Variants in ARHGAP45 observed in about 807,000 individuals in gnomAD.
ARHGAP45 encodes the protein Rho GTPase activating protein 45.
ARHGAP45 carries 56 observed loss-of-function variants against 116.1 expected under a neutral mutation model. That is an observed-to-expected ratio of 0.48 (90% CI 0.39 to 0.60). The LOEUF is 0.60. Ranked by LOEUF, ARHGAP45 falls within the 20% of genes least tolerant of loss-of-function variation. The pLI is 0.00. For synonymous variants in ARHGAP45, 866 were observed against 701.7 expected, an observed-to-expected ratio of 1.23 and a Z score of -3.70; for missense variants, 1,622 against 1,601.0, an observed-to-expected ratio of 1.01 and a Z score of -0.22.
At position 1,067,293 on chromosome 19, in the gene ARHGAP45, A is replaced by G. The variant is rs2043053951; in HGVS notation, c.-113A>G. On this transcript the variant is annotated 5_prime_UTR_variant, in exon 1 of 23. Coordinates refer to ENST00000313093, the MANE Select transcript of ARHGAP45 (RefSeq NM_012292.5). Reference sequence around the variant, plus strand: ...CGGCCGGGCCTGTCACGTGGGCCTGACAGCTGGGGAGGGGGTGGCCGGCGA... The same window carrying G: ...CGGCCGGGCCTGTCACGTGGGCCTGGCAGCTGGGGAGGGGGTGGCCGGCGA... 7.1e-7 allele frequency: 1 copy of G among 1,417,652 alleles called. No homozygotes were observed. The highest frequency in any genetic ancestry group is 1.5e-5 in the African/African-American group (1 of 65,894). 87.8% of individuals were successfully genotyped at this position (1,417,652 alleles called of 1,614,324 possible). A position where few individuals can be genotyped will look rare whatever the true frequency, so the allele number is the denominator to read the frequency against.
Position 1,071,564 on chromosome 19 carries a change from C to T in ARHGAP45, c.422-1585C>T. The T allele has an allele frequency of 9.4e-6, 2 of 211,770 alleles. No homozygotes were observed. Among genetic ancestry groups the T allele is most frequent in the Non-Finnish European group, 1.6e-5 (2 of 121,750 alleles). The allele number at this position is 211,770 out of a possible 1,614,324, so 13.1% of individuals were successfully genotyped here. On this transcript the variant is annotated intron_variant, in intron 2 of 22. Coordinates refer to ENST00000313093, the MANE Select transcript of ARHGAP45 (RefSeq NM_012292.5). The surrounding 1 kb of genome is among the most constrained non-coding windows in gnomAD (Gnocchi z 4.6). Reference sequence around the variant, plus strand: ...GTGCGGGGACAGCCGGGGGTCCGTGCGCCGGCCGCGCGCGGAGTGCCGGGT... The same window carrying T: ...GTGCGGGGACAGCCGGGGGTCCGTGTGCCGGCCGCGCGCGGAGTGCCGGGT...
Position 1,073,144 on chromosome 19 carries a change from A to G in ARHGAP45, c.422-5A>G. On this transcript the variant is annotated splice_region_variant and splice_polypyrimidine_tract_variant and intron_variant, in intron 2 of 22. Coordinates refer to ENST00000313093, the MANE Select transcript of ARHGAP45 (RefSeq NM_012292.5). Reference sequence around the variant, plus strand: ...CCCACTGCTCACTCCGACTCTCCCCAGCAGACCTCCTTGAGGCCCGCCGCC... The same window carrying G: ...CCCACTGCTCACTCCGACTCTCCCCGGCAGACCTCCTTGAGGCCCGCCGCC... The G allele has an allele frequency of 2.5e-6, 4 of 1,603,714 alleles. No homozygotes were observed. In the East Asian group the frequency reaches 6.7e-5, roughly 27 times the overall value.
rs1212810341 is a variant in ARHGAP45, at chr19:1,079,821, G to A, written c.1493G>A (p.Ser498Asn). Residue 498 changes from serine (S) to asparagine (N), a missense_variant, in exon 12 of 23, where the codon AGC becomes AAC. Ser to Asn is a conservative substitution (Grantham distance 46, BLOSUM62 1). Transcript: ENST00000313093. The part of the protein sequence containing the change: ...LRQIQEVIRQ[S>N]DQTIKSATIS... ...CAGATCCAGGAGGTCATCCGGCAGA[G>A]CGACCAAACCATCAAGTCGGTGCGT... 3 of 1,607,806 alleles carry A rather than the reference G, an allele frequency of 1.9e-6. No homozygotes were observed. The highest frequency in any genetic ancestry group is 2.2e-5 in the East Asian group (1 of 44,762).
At position 1,068,696 on chromosome 19, in the gene ARHGAP45, C is replaced by A. The variant is rs1374432885; in HGVS notation, c.373C>A (p.Arg125Ser). The A allele has an allele frequency of 6.2e-7, 1 of 1,612,644 alleles. No individual in the cohort carries two copies. The highest frequency in any genetic ancestry group is 1.7e-5 in the Admixed American group (1 of 60,024). Residue 125 changes from arginine (R) to serine (S), a missense_variant, in exon 2 of 23, where the codon CGC becomes AGC. Transcript: ENST00000313093. This position sits in a 1 kb window ranked among gnomAD's most constrained non-coding sequence, Gnocchi z 7.5. ...CTCCCATCTGCTGGCGGACGTGGCC[C>A]GCTTCGCTGAGGGCCTTGAGAAACT... ...DISHLLADVA[R>S]FAEGLEKLKE...
chr19:1,074,406 A>T lies in ARHGAP45; in HGVS notation c.992A>T (p.Glu331Val). The T allele has an allele frequency of 6.4e-7, 1 of 1,555,540 alleles. No homozygotes were observed. The change falls in exon 8 of 23, where the codon GAG becomes GTG. Residue 331 changes from glutamate (E) to valine (V), a missense_variant and splice_region_variant. This residue lies in a region of ARHGAP45 where 1,334 missense variants were observed against 1,263.8 expected (regional missense o/e 1.06). Coordinates refer to ENST00000313093, the MANE Select transcript of ARHGAP45 (RefSeq NM_012292.5). ...AHNCRQSVMQ[E>V]PHMPLLSIYS... is the part of the protein sequence containing the mutation. Reference sequence around the variant, plus strand: ...AACTGCAGACAGAGCGTCATGCAGGAGGTGGGGGCCCCGCGGGCACGGGGC... The same window carrying T: ...AACTGCAGACAGAGCGTCATGCAGGTGGTGGGGGCCCCGCGGGCACGGGGC...
chr19:1,079,533 C>A (rs2145061796), intron 11 of ARHGAP45, among the ~76,000 whole-genome samples, 170 bp from the exon 12 acceptor site: 1 of 149,612 alleles, frequency 6.7e-6, no homozygotes, highest in East Asian at 2.0e-4. Context: ...TGGGGAGGGT[C>A]TCACCATGTT....
chr19:1,075,674 C>T (rs1008049042), intron 10 of ARHGAP45, among the ~76,000 whole-genome samples: 15 of 152,118 alleles, frequency 9.9e-5, no homozygotes, highest in African/African-American at 1.9e-4. Context: ...ACTGCAGTGA[C>T]GCAATCATAC....
chr19:1,080,337 G>A lies in ARHGAP45; in HGVS notation c.1786G>A (p.Glu596Lys). The change falls in exon 14 of 23, where the codon GAA becomes AAA. Residue 596 changes from glutamate to lysine, a missense_variant. Coordinates refer to ENST00000313093, the MANE Select transcript of ARHGAP45 (RefSeq NM_012292.5). ...GGAGGCTGCCGGGAGCCCCCCAGAA[G>A]AAGGCGGGTGCACTGAGGGCACACC... ...RPEAAGSPPEEGGCTEGTPAK... is the reference protein window; with the variant it reads ...RPEAAGSPPEKGGCTEGTPAK... 1.2e-6 allele frequency: 2 copies of A among 1,609,492 alleles called. No individual in the cohort carries two copies. Among genetic ancestry groups the A allele is most frequent in the Non-Finnish European group, 1.7e-6 (2 of 1,179,256 alleles).
chr19:1,085,519 CCT>C (rs1491314714), intron 22 of ARHGAP45, 139 bp from the exon 23 acceptor site: 3 of 633,412 alleles, frequency 4.7e-6, no homozygotes, highest in Non-Finnish European at 5.4e-6. Context: ...CTCCATCTCT[CCT>C]GTCTCTCCCC....
At position 1,069,484 on chromosome 19, in the gene ARHGAP45, G is replaced by C. The variant is rs1381773497; in HGVS notation, c.421+740G>C. On this transcript the variant is annotated intron_variant, in intron 2 of 22. Transcript: ENST00000313093. The surrounding 1 kb of genome is among the most constrained non-coding windows in gnomAD (Gnocchi z 4.1). ...GCGCTCTGATCTGCTCCCAGCAGCCGCCCATTTTACAGATGACGAAACTAA... is the reference window on the plus strand; with the variant it reads ...GCGCTCTGATCTGCTCCCAGCAGCCCCCCATTTTACAGATGACGAAACTAA... Among the ~76,000 whole-genome samples, 1 of 152,222 alleles carries C rather than the reference G, an allele frequency of 6.6e-6. No individual in the cohort carries two copies. The highest frequency in any genetic ancestry group is 2.4e-5 in the African/African-American group (1 of 41,444).
At chr19:1,074,762 T>TCACC in intron 9 of ARHGAP45, 37 bp from the exon 10 acceptor site, 1 of 1,597,670 alleles carries the variant, frequency 6.3e-7, no homozygotes. Flanking sequence ...GGCGGGGGTG[T>TCACC]CACCGGGGTA....
chr19:1,083,052 G>A lies in ARHGAP45; in HGVS notation c.2730G>A (p.Leu910=), dbSNP rs1162202117. 6.5e-7 allele frequency: 1 copy of A among 1,548,092 alleles called. No individual in the cohort carries two copies. Among genetic ancestry groups the A allele is most frequent in the South Asian group, 1.2e-5 (1 of 85,272 alleles). Residue 910 remains leucine (L), a synonymous_variant, in exon 20 of 23, where the codon CTG becomes CTA. Coordinates refer to ENST00000313093, the MANE Select transcript of ARHGAP45 (RefSeq NM_012292.5). The part of the protein sequence containing the change: ...PENRASLQYL[L]RHLRRIVEVE... The stretch of plus-strand genomic sequence containing the variant: ...ACCGGGCCTCGCTGCAGTACCTGCT[G>A]CGTCACCTACGCAGGTGAGTCCCGG...
intron 2 of ARHGAP45, among the ~76,000 whole-genome samples, chr19:1,070,885 T>G (rs2043127269): frequency 6.6e-6 from 1 of 152,184 alleles, no homozygotes; most frequent in African/African-American, 2.4e-5. Context: ...GCTGAGACCC[T>G]GGCAAGCCCC....
At chr19:1,074,298 G>A in intron 7 of ARHGAP45, 45 bp from the exon 8 acceptor site, 4 of 1,612,056 alleles carry the variant, frequency 2.5e-6, no homozygotes, top group Non-Finnish European at 3.4e-6. Context: ...TGGGTGAGCT[G>A]GGAAGGCCTT....
rs572113460 is a variant in ARHGAP45, at chr19:1,085,583, C to G, written c.3065-77C>G. ...CCCCCTCTCCTGTCTCTCCCCATCT[C>G]TCCTGTCTGTCCCTCCCCTTGTCTC... is the stretch of plus-strand genomic sequence containing the variant. On this transcript the variant is annotated intron_variant, in intron 22 of 22. Coordinates refer to ENST00000313093, the MANE Select transcript of ARHGAP45 (RefSeq NM_012292.5). The G allele has an allele frequency of 2.0e-5, 22 of 1,104,270 alleles. No homozygotes were observed. In the African/African-American group the frequency reaches 2.2e-4, roughly 11 times the overall value. 68.4% of individuals were successfully genotyped at this position (1,104,270 alleles called of 1,614,324 possible). A position where few individuals can be genotyped will look rare whatever the true frequency, so the allele number is the denominator to read the frequency against.
rs867485195 is a variant in ARHGAP45 at position 1,079,839 on chromosome 19, C to T, written c.1511C>T (p.Ser504Leu). 6.9e-6 allele frequency: 11 copies of T among 1,604,630 alleles called. No homozygotes were observed. The South Asian group carries it at 7.7e-5, about 11-fold the overall frequency. ...VIRQSDQTIK[S>L]ATISYYQMMH... Reference sequence around the variant, plus strand: ...CGGCAGAGCGACCAAACCATCAAGTCGGTGCGTGGGGTGCTCCGGCCGCCC... The same window carrying T: ...CGGCAGAGCGACCAAACCATCAAGTTGGTGCGTGGGGTGCTCCGGCCGCCC... The change falls in exon 12 of 23, where the codon TCG (serine) becomes TTG (leucine). Residue 504 changes from serine (S) to leucine (L), a missense_variant and splice_region_variant. Ser to Leu is a moderately radical substitution (Grantham distance 145). Around this residue, in one of 3 missense-constraint regions of ARHGAP45, gnomAD observed 1,334 missense variants for 1,263.8 expected, o/e 1.06. Transcript: ENST00000313093.
intron 2 of ARHGAP45, among the ~76,000 whole-genome samples, chr19:1,070,564 C>G (rs959099036): frequency 6.9e-6 from 1 of 144,426 alleles, no homozygotes; most frequent in Non-Finnish European, 1.5e-5. Flanking sequence ...CCAGGCTGGT[C>G]TTGAACTCCT....
In ARHGAP45 at chr19:1,080,475, C is replaced by T. The variant is rs753242919; in HGVS notation, c.1840C>T (p.His614Tyr). 5.0e-6 allele frequency: 8 copies of T among 1,612,870 alleles called. No individual in the cohort carries two copies. Among genetic ancestry groups the T allele is most frequent in the Admixed American group, 3.3e-5 (2 of 59,984 alleles). ...GCCTCTTTCTCCAGCCGGGCGAGGACACCAGGTTCACAAGTCATGGCCGCT... is the reference window on the plus strand; with the variant it reads ...GCCTCTTTCTCCAGCCGGGCGAGGATACCAGGTTCACAAGTCATGGCCGCT... Reference protein sequence around the residue: ...PAKDHRAGRGHQVHKSWPLSI... With the variant: ...PAKDHRAGRGYQVHKSWPLSI... The change falls in exon 15 of 23, where the codon CAC becomes TAC. Residue 614 changes from histidine to tyrosine, a missense_variant. Transcript: ENST00000313093.
At chr19:1,077,287 G>GGCTGCAC in intron 10 of ARHGAP45, 1 of 985,338 alleles carries the variant, frequency 1.0e-6, no homozygotes, top group Non-Finnish European at 1.2e-6. Context: ...TGCAGAGCTT[G>GGCTGCAC]GCTGCACCTC....
Sources: gnomAD v4.1 joint callset for allele counts (sites outside exome capture counted in the v4.1 genomes callset) on GRCh38, gnomAD v4.1.1 for gene constraint, gnomAD v4.1.1 regional missense constraint, Gnocchi (gnomAD v3.1) non-coding constraint, MANE v1.5 for transcripts, NCBI Gene and HGNC (gene_info 2026-07-23, HGNC 2026-07-21) for gene names.